Variants in CDH13 observed in about 807,000 individuals in gnomAD.
CDH13 encodes the protein cadherin-13.
CDH13 carries 24 observed loss-of-function variants against 63.8 expected under a neutral mutation model. The ratio of observed to expected loss-of-function variants is 0.38; its 90% CI spans 0.27 to 0.53. The LOEUF (loss-of-function observed/expected upper bound fraction) is 0.53, where lower values mean the gene tolerates loss of function less well. Ranked by LOEUF, CDH13 falls within the 20% of genes least tolerant of loss-of-function variation. The pLI is 0.85. For missense variants in CDH13, 1,049 were observed against 903.1 expected (o/e 1.16, Z -2.07); for synonymous variants, 503 against 355.3 (o/e 1.42, Z -4.67).
chr16:83,274,705 G>C lies in CDH13; in HGVS notation c.636+57208G>C, dbSNP rs188565122. On this transcript the variant is annotated intron_variant, in intron 5 of 13. Coordinates refer to ENST00000567109, the MANE Select transcript of CDH13 (RefSeq NM_001257.5). ...AAGGATCCTCAGCTTCTACTGCAAT[G>C]GTTCTCAAACACCTGGTGGCAGGGG... 3.0e-3 allele frequency among the ~76,000 whole-genome samples: 463 copies of C among 151,958 alleles called. 2 individuals carry two copies. The highest frequency in any genetic ancestry group is 7.7e-3 in the African/African-American group (318 of 41,378).
At chr16:83,389,956 G>C (rs909042661) in intron 6 of CDH13, among the ~76,000 whole-genome samples, 29 of 152,178 alleles carry the variant, frequency 1.9e-4, no homozygotes, top group Non-Finnish European at 2.5e-4. Flanking sequence ...ATCTGAGCTC[G>C]GCTGTTTATT....
chr16:82,983,809 T>G (rs1195579401), intron 2 of CDH13, among the ~76,000 whole-genome samples: 1 of 152,186 alleles, frequency 6.6e-6, no homozygotes, highest in African/African-American at 2.4e-5. Flanking sequence ...ATAGGATATT[T>G]CACCAGCACC....
chr16:83,274,496 T>G (rs752176266), intron 5 of CDH13, among the ~76,000 whole-genome samples: 1 of 152,210 alleles, frequency 6.6e-6, no homozygotes, highest in Non-Finnish European at 1.5e-5. Context: ...TTACCACAGT[T>G]TGAACTTACC....
chr16:83,091,591 C>T (rs2033916316), intron 3 of CDH13, among the ~76,000 whole-genome samples: 1 of 152,210 alleles, frequency 6.6e-6, no homozygotes, highest in Non-Finnish European at 1.5e-5. Context: ...AAGTCATGGG[C>T]TGGTCTTGCA....
intron 1 of CDH13, among the ~76,000 whole-genome samples, chr16:82,710,357 C>A (rs2031817758): frequency 6.9e-6 from 1 of 144,622 alleles, no homozygotes; most frequent in East Asian, 2.0e-4. Flanking sequence ...CATGGTGAAA[C>A]CCCATCTCTA....
intron 5 of CDH13, among the ~76,000 whole-genome samples, chr16:83,312,091 C>A (rs1410390658): frequency 7.1e-6 from 1 of 140,280 alleles, no homozygotes; most frequent in Admixed American, 7.1e-5. Context: ...AAAAAAGAAT[C>A]TTGGGAGACA....
rs745476412 is a variant in CDH13 at position 83,670,942 on chromosome 16, A to C, written c.1254A>C (p.Gln418His). The change falls in exon 9 of 14, where the codon CAA (glutamine) becomes CAC (histidine). Residue 418 changes from glutamine to histidine, a missense_variant. Physicochemically the swap from Gln to His is conservative, Grantham distance 24. Transcript: ENST00000567109. The part of the protein sequence containing the change: ...GQSFEIHTNP[Q>H]TNEGMLSVVK... ...GCTTTGAAATCCACACCAACCCTCA[A>C]ACCAACGAAGGGATGCTTTCTGTTG... is the stretch of plus-strand genomic sequence containing the variant. The C allele has an allele frequency of 1.2e-6, 2 of 1,606,272 alleles. No homozygotes were observed. The highest frequency in any genetic ancestry group is 2.2e-5 in the East Asian group (1 of 44,704).
At chr16:82,672,774 C>CACAA (rs2150946859) in intron 1 of CDH13, among the ~76,000 whole-genome samples, 1 of 139,564 alleles carries the variant, frequency 7.2e-6, no homozygotes, top group South Asian at 2.3e-4. Context: ...TGTGTACACA[C>CACAA]ACACACACAC....
chr16:82,695,012 G>T (rs553555462), intron 1 of CDH13, among the ~76,000 whole-genome samples: 50 of 152,282 alleles, frequency 3.3e-4, no homozygotes, highest in African/African-American at 1.1e-3. Flanking sequence ...GGAGGGTGGA[G>T]ACAGGAGGCA....
chr16:82,646,247 T>C (rs1910076046), intron 1 of CDH13: 1 of 152,284 alleles, frequency 6.6e-6, no homozygotes, highest in African/African-American at 2.4e-5. Context: ...TGAAGTGCAG[T>C]GGCGTGATCT....
chr16:83,509,437 G>A (rs1441468806), intron 7 of CDH13, among the ~76,000 whole-genome samples: 1 of 152,184 alleles, frequency 6.6e-6, no homozygotes, highest in Non-Finnish European at 1.5e-5. Context: ...CTGCAACTGT[G>A]CAGCTTTACT....
chr16:83,246,543 T>G (rs1905015158), intron 5 of CDH13, among the ~76,000 whole-genome samples: 1 of 152,170 alleles, frequency 6.6e-6, no homozygotes, highest in African/African-American at 2.4e-5. Flanking sequence ...CATCTCCATT[T>G]TATTCCTTCT....
At chr16:83,761,682 C>G (rs1193153182) in intron 11 of CDH13, among the ~76,000 whole-genome samples, 1 of 152,088 alleles carries the variant, frequency 6.6e-6, no homozygotes, top group Non-Finnish European at 1.5e-5. Context: ...GATTATAGTT[C>G]ACTATGTACA....
intron 7 of CDH13, among the ~76,000 whole-genome samples, chr16:83,577,366 C>T (rs4077575): frequency 6.6e-6 from 1 of 151,986 alleles, no homozygotes; most frequent in African/African-American, 2.4e-5. Flanking sequence ...TCACGCCTCA[C>T]TGCCAATTAA....
At chr16:83,779,383 G>A in intron 11 of CDH13, among the ~76,000 whole-genome samples, 1 of 116,794 alleles carries the variant, frequency 8.6e-6, no homozygotes, top group African/African-American at 3.3e-5. Flanking sequence ...CTCCAGCCCG[G>A]GCGACAGCGC....
At chr16:82,791,989 C>T (rs1019411809) in intron 1 of CDH13, among the ~76,000 whole-genome samples, 3 of 152,146 alleles carry the variant, frequency 2.0e-5, no homozygotes, top group Non-Finnish European at 4.4e-5. Flanking sequence ...ATGGGGATTA[C>T]AATTCAAGAT....
intron 8 of CDH13, among the ~76,000 whole-genome samples, chr16:83,654,093 C>T (rs961232580): frequency 6.6e-6 from 1 of 151,866 alleles, no homozygotes; most frequent in African/African-American, 2.4e-5. Context: ...GGGCATGTGG[C>T]TAGGGGATGA....
chr16:82,749,675 C>T (rs1353089723), intron 1 of CDH13, among the ~76,000 whole-genome samples: 1 of 152,142 alleles, frequency 6.6e-6, no homozygotes, highest in East Asian at 1.9e-4. Flanking sequence ...TATATATTTT[C>T]CTTGAACCTC....
intron 7 of CDH13, among the ~76,000 whole-genome samples, chr16:83,572,522 C>G (rs1370647294): frequency 6.6e-6 from 1 of 152,160 alleles, no homozygotes; most frequent in African/African-American, 2.4e-5. Context: ...GATGGATATA[C>G]TGTCAGTGTC....
Sources: allele counts gnomAD v4.1 joint callset (sites outside exome capture counted in the v4.1 genomes callset), GRCh38; gene constraint gnomAD v4.1.1; transcripts MANE v1.5; gene names NCBI Gene and HGNC (gene_info 2026-07-23, HGNC 2026-07-21).